Variants in ANK3 observed in about 807,000 individuals in gnomAD.
ANK3 encodes ankyrin 3.
ANK3 carries 57 observed loss-of-function variants against 370.9 expected under a neutral mutation model. The observed-to-expected ratio is 0.15, with a 90% CI of 0.12 to 0.19. The LOEUF is 0.19. Among genes scored for constraint, ANK3 ranks in the 10% least tolerant of loss-of-function variants. ANK3 has a pLI of 1.00. For missense variants in ANK3, 4,439 were observed against 5,302.1 expected, an observed-to-expected ratio of 0.84 and a Z score of 5.06; for synonymous variants, 1,929 against 1,946.3, an observed-to-expected ratio of 0.99 and a Z score of 0.23.
At chr10:60,272,018 AC>A (rs538395516) in intron 4 of ANK3, among the ~76,000 whole-genome samples, 294 of 150,916 alleles carry the variant, frequency 1.9e-3, no homozygotes, top group South Asian at 3.8e-3. Context: ...GCCCACTGTT[AC>A]TCTGTTTTAT....
chr10:60,208,929 A>G (rs986086347), intron 9 of ANK3, among the ~76,000 whole-genome samples: 22 of 152,204 alleles, frequency 1.4e-4, no homozygotes, highest in African/African-American at 5.3e-4. Context: ...CTAATGCTTG[A>G]CTTGTTAGTT....
At chr10:60,310,128 T>C (rs1407659758) in intron 1 of ANK3, among the ~76,000 whole-genome samples, 2 of 152,176 alleles carry the variant, frequency 1.3e-5, no homozygotes, top group East Asian at 3.9e-4. Flanking sequence ...TCTAGCTATG[T>C]TGCCCAGGTT....
chr10:60,035,097 ACT>A (rs1255909794), intron 43 of ANK3, among the ~76,000 whole-genome samples: 2 of 152,130 alleles, frequency 1.3e-5, no homozygotes, highest in Non-Finnish European at 2.9e-5. Context: ...AAATTTTATT[ACT>A]GTTATTATTT....
At chr10:60,196,459 A>G (rs536301207) in intron 15 of ANK3, 68 bp downstream of exon 15, 2 of 1,126,362 alleles carry the variant, frequency 1.8e-6, no homozygotes, top group Admixed American at 4.0e-5. Context: ...GCTATTAGTG[A>G]ATATTAGCAA....
intron 2 of ANK3, among the ~76,000 whole-genome samples, chr10:60,561,596 C>A (rs1308252626): frequency 6.6e-6 from 1 of 152,140 alleles, no homozygotes; most frequent in Non-Finnish European, 1.5e-5. Flanking sequence ...TTAAAATTCA[C>A]AAAACATTGG....
intron 18 of ANK3, among the ~76,000 whole-genome samples, chr10:60,176,191 A>AC (rs1411780406): frequency 1.6e-4 from 20 of 123,270 alleles, no homozygotes; most frequent in Non-Finnish European, 7.1e-5. Context: ...AAAAAAAAAA[A>AC]AAAACAAAAA....
intron 2 of ANK3, among the ~76,000 whole-genome samples, chr10:60,497,565 A>T (rs2075690570): frequency 6.6e-6 from 1 of 152,194 alleles, no homozygotes; most frequent in South Asian, 2.1e-4. Context: ...TTGATTTATT[A>T]AGCTTTTGTT....
intron 2 of ANK3, among the ~76,000 whole-genome samples, chr10:60,584,549 T>C (rs1200412074): frequency 1.3e-5 from 2 of 152,130 alleles, no homozygotes; most frequent in African/African-American, 2.4e-5. Context: ...GCCAGGAGTT[T>C]GAGGCTGCAA....
At chr10:60,423,973 G>C (rs987401085) in intron 2 of ANK3, among the ~76,000 whole-genome samples, 4 of 151,934 alleles carry the variant, frequency 2.6e-5, no homozygotes, top group Non-Finnish European at 5.9e-5. Context: ...TTTTAATATT[G>C]GCAAATATAT....
chr10:60,047,845 T>G (rs915064992), intron 42 of ANK3, among the ~76,000 whole-genome samples: 1 of 152,250 alleles, frequency 6.6e-6, no homozygotes, highest in African/African-American at 2.4e-5. Context: ...TAACATAAAT[T>G]GCTTCTAAGC....
intron 2 of ANK3, among the ~76,000 whole-genome samples, chr10:60,529,534 G>T (rs1364502740): frequency 2.6e-5 from 4 of 152,098 alleles, no homozygotes; most frequent in East Asian, 1.9e-4. Flanking sequence ...CCAGAGTGTT[G>T]TAAATACATA....
At chr10:60,457,852 C>A (rs776004351) in intron 2 of ANK3, among the ~76,000 whole-genome samples, 1 of 151,908 alleles carries the variant, frequency 6.6e-6, no homozygotes, top group Non-Finnish European at 1.5e-5. Flanking sequence ...AGTCTGAGAG[C>A]GAATCAGTGA....
intron 1 of ANK3, among the ~76,000 whole-genome samples, chr10:60,316,724 A>G (rs1229445712): frequency 6.6e-6 from 1 of 152,000 alleles, no homozygotes. Flanking sequence ...TTAACCATCC[A>G]TATTCCATAT....
At chr10:60,531,967 AAC>A (rs1209824020) in intron 2 of ANK3, among the ~76,000 whole-genome samples, 1 of 152,128 alleles carries the variant, frequency 6.6e-6, no homozygotes, top group Non-Finnish European at 1.5e-5. Flanking sequence ...GTAATTCACA[AAC>A]ACTCTGCAGA....
At chr10:60,419,739 A>G (rs2063740399) in intron 2 of ANK3, among the ~76,000 whole-genome samples, 1 of 152,132 alleles carries the variant, frequency 6.6e-6, no homozygotes, top group Admixed American at 6.6e-5. Flanking sequence ...AAAAGAGAAA[A>G]CAGACACCTG....
chr10:60,472,450 A>C (rs1052893891), intron 2 of ANK3, among the ~76,000 whole-genome samples: 7 of 152,204 alleles, frequency 4.6e-5, no homozygotes, highest in African/African-American at 1.7e-4. Context: ...GGGGCATCTT[A>C]ATGTGTTCGG....
chr10:60,095,207 G>A (rs2089850985), intron 28 of ANK3, among the ~76,000 whole-genome samples: 1 of 152,212 alleles, frequency 6.6e-6, no homozygotes, highest in African/African-American at 2.4e-5. Context: ...TAAATTAAAT[G>A]ATGTTTGATA....
At chr10:60,616,009 A>T (rs1364881522) in intron 1 of ANK3, among the ~76,000 whole-genome samples, 1 of 152,190 alleles carries the variant, frequency 6.6e-6, no homozygotes, top group African/African-American at 2.4e-5. Context: ...AGAAAGGAAC[A>T]TTCTACTTTG....
chr10:60,278,919 T>A lies in ANK3; in HGVS notation c.316-47A>T, dbSNP rs752513043. On this transcript the variant is annotated intron_variant, in intron 3 of 43. Transcript: ENST00000280772. ...ATATCAACTCATCGATCTTTTGAAT[T>A]TTCCTGTTCTCCCCAAAGAGAACAA... is the stretch of plus-strand genomic sequence containing the variant. The A allele has an allele frequency of 7.5e-6, 12 of 1,595,674 alleles. No individual in the cohort carries two copies. In the Admixed American group the frequency reaches 2.0e-4, roughly 27 times the overall value.
Sources: gnomAD v4.1 joint callset for allele counts (sites outside exome capture counted in the v4.1 genomes callset) on GRCh38, gnomAD v4.1.1 for gene constraint, MANE v1.5 for transcripts, NCBI Gene and HGNC (gene_info 2026-07-23, HGNC 2026-07-21) for gene names.